Variants in ATXN7L3B observed in about 807,000 individuals in gnomAD.
ATXN7L3B encodes the protein ataxin 7 like 3B, also known as ataxin-7-like protein 3B.
In ATXN7L3B, 4 loss-of-function variants were observed where a neutral mutation model predicts 6.3. The ratio of observed to expected loss-of-function variants is 0.63; its 90% CI spans 0.31 to 1.45. ATXN7L3B has a LOEUF of 1.45. Among genes scored for constraint, ATXN7L3B ranks in the 40% most tolerant of loss-of-function variants. ATXN7L3B has a pLI of 0.07. For missense variants in ATXN7L3B, 120 were observed against 118.5 expected, an observed-to-expected ratio of 1.01 and a Z score of -0.06; for synonymous variants, 63 against 48.0, an observed-to-expected ratio of 1.31 and a Z score of -1.29.
rs965952646 is a variant in ATXN7L3B, at chr12:74,544,377, C to G, written c.*5971C>G. 2 of 151,902 alleles carry G rather than the reference C, an allele frequency of 1.3e-5. No individual in the cohort carries two copies. The highest frequency in any genetic ancestry group is 2.4e-5 in the African/African-American group (1 of 41,414). The allele number at this position is 151,902 out of a possible 1,614,324, so 9.4% of individuals were successfully genotyped here. On this transcript the variant is annotated 3_prime_UTR_variant, in exon 1 of 1. Coordinates refer to ENST00000519948, the MANE Select transcript of ATXN7L3B (RefSeq NM_001136262.2). ...AAATAGATGTGCTCATGGAACTTGACAAATTAATTTTAAGATTTATATGAA... is the reference window on the plus strand; with the variant it reads ...AAATAGATGTGCTCATGGAACTTGAGAAATTAATTTTAAGATTTATATGAA...
Position 74,543,237 on chromosome 12 carries a change from C to T in ATXN7L3B, c.*4831C>T, listed in dbSNP as rs890121235. 6.6e-6 allele frequency: 1 copy of T among 152,004 alleles called. No individual in the cohort carries two copies. Among genetic ancestry groups the T allele is most frequent in the Non-Finnish European group, 1.5e-5 (1 of 67,950 alleles). The allele number at this position is 152,004 out of a possible 1,614,324, so 9.4% of individuals were successfully genotyped here. ...AAAAAAAAATCTTCAGCAGCAGTGA[C>T]TTGCCCATAGTTCAAAAAGCAAAAA... On this transcript the variant is annotated 3_prime_UTR_variant, in exon 1 of 1. Transcript: ENST00000519948.
chr12:74,539,881 A>G lies in ATXN7L3B; in HGVS notation c.*1475A>G. The G allele has an allele frequency of 6.0e-6, 1 of 167,414 alleles. No individual in the cohort carries two copies. The allele number at this position is 167,414 out of a possible 1,614,324, so 10.4% of individuals were successfully genotyped here. ...TTTATTTGAAATGTTTTCTTACCTC[A>G]TTCTGTGCCCCAGTAGGGGGTCCAG... On this transcript the variant is annotated 3_prime_UTR_variant, in exon 1 of 1. Transcript: ENST00000519948.
rs1868994910 is a variant in ATXN7L3B at position 74,545,242 on chromosome 12, A to G, written c.*6836A>G. Reference sequence around the variant, plus strand: ...GTAATAGGGAAAAATTGAAAGTAATATACCCATTTGGAATACATATAGTCA... The same window carrying G: ...GTAATAGGGAAAAATTGAAAGTAATGTACCCATTTGGAATACATATAGTCA... On this transcript the variant is annotated 3_prime_UTR_variant, in exon 1 of 1. Coordinates refer to ENST00000519948, the MANE Select transcript of ATXN7L3B (RefSeq NM_001136262.2). The G allele has an allele frequency of 6.6e-6, 1 of 152,132 alleles. No homozygotes were observed. Among genetic ancestry groups the G allele is most frequent in the Non-Finnish European group, 1.5e-5 (1 of 67,948 alleles). 9.4% of individuals were successfully genotyped at this position (152,132 alleles called of 1,614,324 possible).
In ATXN7L3B at chr12:74,538,059, T is replaced by A; in HGVS notation, c.-54T>A. On this transcript the variant is annotated 5_prime_UTR_variant, in exon 1 of 1. Coordinates refer to ENST00000519948, the MANE Select transcript of ATXN7L3B (RefSeq NM_001136262.2). ...TAGGCGCGGCCCGCGGAGCCAGACGTGTTGCTGCCGTGAGTAAAACGAGCG... is the reference window on the plus strand; with the variant it reads ...TAGGCGCGGCCCGCGGAGCCAGACGAGTTGCTGCCGTGAGTAAAACGAGCG... The A allele has an allele frequency of 3.3e-6, 5 of 1,518,472 alleles. No homozygotes were observed. The East Asian group carries it at 9.8e-5, about 30-fold the overall frequency. The allele number at this position is 1,518,472 out of a possible 1,614,324, so 94.1% of individuals were successfully genotyped here.
Position 74,538,159 on chromosome 12 carries a change from C to G in ATXN7L3B, c.47C>G (p.Ala16Gly). Residue 16 changes from alanine to glycine, a missense_variant, in exon 1 of 1, where the codon GCC (alanine) becomes GGC (glycine). Ala to Gly is a moderately conservative substitution (Grantham distance 60). Transcript: ENST00000519948. Reference sequence around the variant, plus strand: ...AACCTGGATACTAACAAGCTAGAGGCCATCGCTCAGGAGATTTACGTAGAC... The same window carrying G: ...AACCTGGATACTAACAAGCTAGAGGGCATCGCTCAGGAGATTTACGTAGAC... The part of the protein sequence containing the change: ...LANLDTNKLE[A>G]IAQEIYVDLI... 6.3e-7 allele frequency: 1 copy of G among 1,583,068 alleles called. No homozygotes were observed. Among genetic ancestry groups the G allele is most frequent in the Non-Finnish European group, 8.6e-7 (1 of 1,164,528 alleles).
rs2136588746 is a variant in ATXN7L3B, at chr12:74,540,793, A to G, written c.*2387A>G. ...GATAGGGAACTCAAATCCTGAAATT[A>G]CTGTTTTCTTTCTGGCCTTTTCTCC... On this transcript the variant is annotated 3_prime_UTR_variant, in exon 1 of 1. Coordinates refer to ENST00000519948, the MANE Select transcript of ATXN7L3B (RefSeq NM_001136262.2). 1 of 167,204 alleles carries G rather than the reference A, an allele frequency of 6.0e-6. No homozygotes were observed. Among genetic ancestry groups the G allele is most frequent in the South Asian group, 2.1e-4 (1 of 4,828 alleles). 10.4% of individuals were successfully genotyped at this position (167,204 alleles called of 1,614,324 possible). A position where few individuals can be genotyped will look rare whatever the true frequency, so the allele number is the denominator to read the frequency against.
chr12:74,539,255 G>T lies in ATXN7L3B; in HGVS notation c.*849G>T, dbSNP rs1410089985. ...GATTCATGTCTGGATGTATTATGCT[G>T]TGGATATAAGTTTAGTAGGGCGGTC... On this transcript the variant is annotated 3_prime_UTR_variant, in exon 1 of 1. Coordinates refer to ENST00000519948, the MANE Select transcript of ATXN7L3B (RefSeq NM_001136262.2). 1 of 167,120 alleles carries T rather than the reference G, an allele frequency of 6.0e-6. No individual in the cohort carries two copies. Among genetic ancestry groups the T allele is most frequent in the Non-Finnish European group, 1.5e-5 (1 of 68,152 alleles). 10.4% of individuals were successfully genotyped at this position (167,120 alleles called of 1,614,324 possible). A position where few individuals can be genotyped will look rare whatever the true frequency, so the allele number is the denominator to read the frequency against.
chr12:74,540,857 T>C lies in ATXN7L3B; in HGVS notation c.*2451T>C, dbSNP rs1389486. On this transcript the variant is annotated 3_prime_UTR_variant, in exon 1 of 1. Coordinates refer to ENST00000519948, the MANE Select transcript of ATXN7L3B (RefSeq NM_001136262.2). ...AAGCGGAAAGTAGTTTTGAGTAGTA[T>C]TTTGTTCATATTACCCCCCTTTTGT... 166,233 of 167,188 alleles carry C rather than the reference T, an allele frequency of 0.99. 82,651 individuals are homozygous for C. The highest frequency in any genetic ancestry group is 1 in the Middle Eastern group (296 of 296). 10.4% of individuals were successfully genotyped at this position (167,188 alleles called of 1,614,324 possible). A position where few individuals can be genotyped will look rare whatever the true frequency, so the allele number is the denominator to read the frequency against.
chr12:74,540,883 T>G lies in ATXN7L3B; in HGVS notation c.*2477T>G, dbSNP rs1009473980. Reference sequence around the variant, plus strand: ...TTTGTTCATATTACCCCCCTTTTGTTTTTTGTTTCTGGCCCCTCTACCAAT... The same window carrying G: ...TTTGTTCATATTACCCCCCTTTTGTGTTTTGTTTCTGGCCCCTCTACCAAT... On this transcript the variant is annotated 3_prime_UTR_variant, in exon 1 of 1. Transcript: ENST00000519948. The G allele has an allele frequency of 7.5e-6, 1 of 134,104 alleles. No individual in the cohort carries two copies. The allele number at this position is 134,104 out of a possible 1,614,324, so 8.3% of individuals were successfully genotyped here. A position where few individuals can be genotyped will look rare whatever the true frequency, so the allele number is the denominator to read the frequency against.
rs1044324875 is a variant in ATXN7L3B, at chr12:74,545,284, A to C, written c.*6878A>C. On this transcript the variant is annotated 3_prime_UTR_variant, in exon 1 of 1. Transcript: ENST00000519948. ...ATATAGTCACTATACTGAAGTGAGA[A>C]TAAATTAACCAGAGCTGTACAAATA... The C allele has an allele frequency of 1.3e-5, 2 of 152,154 alleles. No homozygotes were observed. The highest frequency in any genetic ancestry group is 6.5e-5 in the Admixed American group (1 of 15,276). The allele number at this position is 152,154 out of a possible 1,614,324, so 9.4% of individuals were successfully genotyped here. A position where few individuals can be genotyped will look rare whatever the true frequency, so the allele number is the denominator to read the frequency against.
At position 74,540,072 on chromosome 12, in the gene ATXN7L3B, TG is replaced by T. The variant is rs1648535623; in HGVS notation, c.*1667del. On this transcript the variant is annotated 3_prime_UTR_variant, in exon 1 of 1. Coordinates refer to ENST00000519948, the MANE Select transcript of ATXN7L3B (RefSeq NM_001136262.2). ...GCCCAATTTCTTTTTTCTTGGCCTCTGTTTTTTTTTTTTCTTTCTTTTTCCC... is the reference window on the plus strand; with the variant it reads ...GCCCAATTTCTTTTTTCTTGGCCTCTTTTTTTTTTTTTCTTTCTTTTTCCC... 3 of 27,176 alleles carry T rather than the reference TG, an allele frequency of 1.1e-4. No homozygotes were observed. 1.7% of individuals were successfully genotyped at this position (27,176 alleles called of 1,614,324 possible).
rs939597706 is a variant in ATXN7L3B, at chr12:74,544,497, C to T, written c.*6091C>T. On this transcript the variant is annotated 3_prime_UTR_variant, in exon 1 of 1. Transcript: ENST00000519948. ...AATAGAATAGAGTTTAGAATTAGAT[C>T]GAAACACACAGATTACACGTTTATG... 1.3e-4 allele frequency: 19 copies of T among 151,890 alleles called. No homozygotes were observed. Among genetic ancestry groups the T allele is most frequent in the Admixed American group, 4.6e-4 (7 of 15,278 alleles). 9.4% of individuals were successfully genotyped at this position (151,890 alleles called of 1,614,324 possible).
In ATXN7L3B at chr12:74,543,647, C is replaced by A. The variant is rs1393748095; in HGVS notation, c.*5241C>A. 6.6e-6 allele frequency: 1 copy of A among 151,212 alleles called. No homozygotes were observed. The highest frequency in any genetic ancestry group is 1.5e-5 in the Non-Finnish European group (1 of 67,676). The allele number at this position is 151,212 out of a possible 1,614,324, so 9.4% of individuals were successfully genotyped here. On this transcript the variant is annotated 3_prime_UTR_variant, in exon 1 of 1. Coordinates refer to ENST00000519948, the MANE Select transcript of ATXN7L3B (RefSeq NM_001136262.2). ...TAGCAAACCAACTCCTTTAAAATAA[C>A]AAAAGTAAACATCAACAAGTCAGTT...
rs543651149 is a variant in ATXN7L3B, at chr12:74,538,530, T to G, written c.*124T>G. ...AAAAGTTTTAATTCCCCCTTGAAGA[T>G]CCTAGCATTTAAAAACCCAAAGTGG... On this transcript the variant is annotated 3_prime_UTR_variant, in exon 1 of 1. Transcript: ENST00000519948. 1 of 926,988 alleles carries G rather than the reference T, an allele frequency of 1.1e-6. No individual in the cohort carries two copies. The highest frequency in any genetic ancestry group is 2.7e-5 in the East Asian group (1 of 37,680). 57.4% of individuals were successfully genotyped at this position (926,988 alleles called of 1,614,324 possible).
Position 74,540,091 on chromosome 12 carries a change from T to C in ATXN7L3B, c.*1685T>C, listed in dbSNP as rs1868845274. On this transcript the variant is annotated 3_prime_UTR_variant, in exon 1 of 1. Coordinates refer to ENST00000519948, the MANE Select transcript of ATXN7L3B (RefSeq NM_001136262.2). ...GGCCTCTGTTTTTTTTTTTTCTTTC[T>C]TTTTCCCTTGTTTTTGTAGAAGACT... The C allele has an allele frequency of 6.0e-6, 1 of 166,286 alleles. No homozygotes were observed. The allele number at this position is 166,286 out of a possible 1,614,324, so 10.3% of individuals were successfully genotyped here. A position where few individuals can be genotyped will look rare whatever the true frequency, so the allele number is the denominator to read the frequency against.
In ATXN7L3B at chr12:74,543,781, C is replaced by T. The variant is rs982635066; in HGVS notation, c.*5375C>T. 3 of 151,732 alleles carry T rather than the reference C, an allele frequency of 2.0e-5. No homozygotes were observed. The highest frequency in any genetic ancestry group is 1.9e-4 in the East Asian group (1 of 5,184). The allele number at this position is 151,732 out of a possible 1,614,324, so 9.4% of individuals were successfully genotyped here. A position where few individuals can be genotyped will look rare whatever the true frequency, so the allele number is the denominator to read the frequency against. ...AAAAATAGTTTGAAAAAATTCAATA[C>T]GAATTATTGCCTAAAAAACAAAGAC... On this transcript the variant is annotated 3_prime_UTR_variant, in exon 1 of 1. Coordinates refer to ENST00000519948, the MANE Select transcript of ATXN7L3B (RefSeq NM_001136262.2).
In ATXN7L3B at chr12:74,540,143, C is replaced by T; in HGVS notation, c.*1737C>T. ...AGAGGAGAATCTTTCTTATGGCTCC[C>T]TCTGTTGAGATTGGAATTGGAAGAG... On this transcript the variant is annotated 3_prime_UTR_variant, in exon 1 of 1. Coordinates refer to ENST00000519948, the MANE Select transcript of ATXN7L3B (RefSeq NM_001136262.2). 6.0e-6 allele frequency: 1 copy of T among 166,318 alleles called. No individual in the cohort carries two copies. The highest frequency in any genetic ancestry group is 1.9e-4 in the East Asian group (1 of 5,190). The allele number at this position is 166,318 out of a possible 1,614,324, so 10.3% of individuals were successfully genotyped here.
chr12:74,538,154 A>G lies in ATXN7L3B; in HGVS notation c.42A>G (p.Leu14=), dbSNP rs1218044469. ...ISLANLDTNK[L]EAIAQEIYVD... ...TGGCCAACCTGGATACTAACAAGCT[A>G]GAGGCCATCGCTCAGGAGATTTACG... The change falls in exon 1 of 1, where the codon CTA becomes CTG. Residue 14 remains leucine (L), a synonymous_variant. Coordinates refer to ENST00000519948, the MANE Select transcript of ATXN7L3B (RefSeq NM_001136262.2). The G allele has an allele frequency of 1.9e-6, 3 of 1,579,292 alleles. No individual in the cohort carries two copies. The highest frequency in any genetic ancestry group is 2.6e-6 in the Non-Finnish European group (3 of 1,162,616).
In ATXN7L3B at chr12:74,540,521, A is replaced by G. The variant is rs1445066724; in HGVS notation, c.*2115A>G. The G allele has an allele frequency of 6.0e-6, 1 of 167,208 alleles. No homozygotes were observed. Among genetic ancestry groups the G allele is most frequent in the Non-Finnish European group, 1.5e-5 (1 of 68,198 alleles). 10.4% of individuals were successfully genotyped at this position (167,208 alleles called of 1,614,324 possible). On this transcript the variant is annotated 3_prime_UTR_variant, in exon 1 of 1. Coordinates refer to ENST00000519948, the MANE Select transcript of ATXN7L3B (RefSeq NM_001136262.2). ...TGGAACTGTTACTGCCTTGTCCTAGAGTTGTCCTGATCAGGCTTGGGGCCT... is the reference window on the plus strand; with the variant it reads ...TGGAACTGTTACTGCCTTGTCCTAGGGTTGTCCTGATCAGGCTTGGGGCCT...
Sources: gnomAD v4.1 joint callset for allele counts on GRCh38, gnomAD v4.1.1 for gene constraint, MANE v1.5 for transcripts, NCBI Gene and HGNC (gene_info 2026-07-23, HGNC 2026-07-21) for gene names.